Variants in PCDHGB4 observed in about 807,000 individuals in gnomAD.
PCDHGB4 encodes the protein protocadherin gamma-B4.
A neutral mutation model predicts 60.5 loss-of-function variants in PCDHGB4; 38 were observed. The observed-to-expected ratio is 0.63, with a 90% CI of 0.48 to 0.82. The LOEUF (loss-of-function observed/expected upper bound fraction) is 0.82. Among genes scored for constraint, PCDHGB4 ranks in the 40% least tolerant of loss-of-function variants. The pLI is 0.00. For missense variants in PCDHGB4, 1,109 were observed against 1,209.6 expected, an observed-to-expected ratio of 0.92 and a Z score of 1.23; for synonymous variants, 456 against 509.7, an observed-to-expected ratio of 0.89 and a Z score of 1.42.
At chr5:141,423,750 T>TGGGG (rs144521096) in intron 1 of PCDHGB4, 28 of 288,222 alleles carry the variant, frequency 9.7e-5, no homozygotes, top group Non-Finnish European at 1.2e-4. Flanking sequence ...GAAAACTGTT[T>TGGGG]GGGGGGGGGG....
At chr5:141,507,178 G>A (rs548016031) in intron 3 of PCDHGB4, 4 of 152,350 alleles carry the variant, frequency 2.6e-5, no homozygotes, top group East Asian at 3.9e-4. Flanking sequence ...CCTCTTCCTC[G>A]AGCTCTGCTT....
chr5:141,487,936 G>C lies in PCDHGB4; in HGVS notation c.2398-6871G>C. On this transcript the variant is annotated intron_variant, in intron 1 of 3. Coordinates refer to ENST00000519479, the MANE Select transcript of PCDHGB4 (RefSeq NM_003736.4). This position sits in a 1 kb window ranked among gnomAD's most constrained non-coding sequence, Gnocchi z 5.0. The stretch of plus-strand genomic sequence containing the variant: ...AGGAGGCTACAGTGCACAGGGTACA[G>C]TGCACCAGGCAGTCACTTGGACAAA... 4.9e-6 allele frequency: 3 copies of C among 607,906 alleles called. No homozygotes were observed. The highest frequency in any genetic ancestry group is 3.7e-5 in the African/African-American group (2 of 54,158). 37.7% of individuals were successfully genotyped at this position (607,906 alleles called of 1,614,324 possible). A position where few individuals can be genotyped will look rare whatever the true frequency, so the allele number is the denominator to read the frequency against.
intron 1 of PCDHGB4, among the ~76,000 whole-genome samples, chr5:141,453,216 C>T (rs565229516): frequency 8.5e-5 from 13 of 152,080 alleles, no homozygotes; most frequent in Non-Finnish European, 1.0e-4. Context: ...TGCACTTAAG[C>T]GATCCTCCCA....
At chr5:141,419,465 G>C (rs568864628) in intron 1 of PCDHGB4, 77 of 1,612,426 alleles carry the variant, frequency 4.8e-5, no homozygotes, top group Non-Finnish European at 6.4e-5. Context: ...GCAGGCCCGC[G>C]ACCAGGGCTC....
intron 1 of PCDHGB4, among the ~76,000 whole-genome samples, chr5:141,457,931 T>G (rs1335457669): frequency 6.6e-6 from 1 of 152,184 alleles, no homozygotes; most frequent in Non-Finnish European, 1.5e-5. Context: ...CCAAGGGGCT[T>G]TTATTGGCTC....
intron 1 of PCDHGB4, among the ~76,000 whole-genome samples, chr5:141,454,907 A>T (rs1304287479): frequency 1.4e-5 from 2 of 139,080 alleles, no homozygotes; most frequent in East Asian, 4.3e-4. Context: ...TCCCGGGTTC[A>T]CGCCATTCTC....
At chr5:141,459,215 G>C (rs2098963353) in intron 1 of PCDHGB4, among the ~76,000 whole-genome samples, 1 of 152,112 alleles carries the variant, frequency 6.6e-6, no homozygotes, top group South Asian at 2.1e-4. Flanking sequence ...TACTTCTCCA[G>C]CTCCAGGCAA....
At position 141,389,844 on chromosome 5, in the gene PCDHGB4, G is replaced by A. The variant is rs558691778; in HGVS notation, c.1960G>A (p.Ala654Thr). 80 of 1,614,014 alleles carry A rather than the reference G, an allele frequency of 5.0e-5. No homozygotes were observed. The Admixed American group carries it at 1.3e-3, about 27-fold the overall frequency. The change falls in exon 1 of 4, where the codon GCC (alanine) becomes ACC (threonine). Residue 654 changes from alanine to threonine, a missense_variant. Around this residue, in one of 2 missense-constraint regions of PCDHGB4, gnomAD observed 1,068 missense variants for 1,089.9 expected, o/e 0.98. Coordinates refer to ENST00000519479, the MANE Select transcript of PCDHGB4 (RefSeq NM_003736.4). ...TGACGGTGGACAGCCACCACTCTCGGCCACTGCCACGTTGCACCTGGTCTT... is the reference window on the plus strand; with the variant it reads ...TGACGGTGGACAGCCACCACTCTCGACCACTGCCACGTTGCACCTGGTCTT... ...VRDGGQPPLS[A>T]TATLHLVFAD...
At chr5:141,501,837 G>C (rs2099811299) in intron 2 of PCDHGB4, among the ~76,000 whole-genome samples, 1 of 152,018 alleles carries the variant, frequency 6.6e-6, no homozygotes, top group Admixed American at 6.5e-5. Flanking sequence ...CCACCTGTTT[G>C]GCCCTCAACC....
chr5:141,422,074 C>T (rs886758924), intron 1 of PCDHGB4: 8 of 1,612,146 alleles, frequency 5.0e-6, no homozygotes, highest in African/African-American at 4.0e-5. Context: ...GTATTCATTT[C>T]GGAACATGGA....
chr5:141,415,766 TTTTTTTACTTTC>T, intron 1 of PCDHGB4: 1 of 1,295,032 alleles, frequency 7.7e-7, no homozygotes, highest in Admixed American at 3.5e-5. Flanking sequence ...TTTTTTTTTT[TTTTTTTACTTTC>T]TGGTAAAATT....
rs2099605934 is a variant in PCDHGB4, at chr5:141,485,057, C to G, written c.2398-9750C>G. On this transcript the variant is annotated intron_variant, in intron 1 of 3. Transcript: ENST00000519479. The surrounding 1 kb of genome is among the most constrained non-coding windows in gnomAD (Gnocchi z 5.7). ...GTAACCCTTGCGGCGCCGGCCGAAC[C>G]GCGCCAGAGCTGGCGCGGGGAAAGG... The G allele has an allele frequency of 1.2e-6, 1 of 843,720 alleles. No homozygotes were observed. Among genetic ancestry groups the G allele is most frequent in the Non-Finnish European group, 1.9e-6 (1 of 524,586 alleles). 52.3% of individuals were successfully genotyped at this position (843,720 alleles called of 1,614,324 possible).
intron 1 of PCDHGB4, chr5:141,427,507 T>A: frequency 1.7e-6 from 1 of 584,928 alleles, no homozygotes; most frequent in Non-Finnish European, 3.2e-6. Context: ...GATGGGACCC[T>A]GGATTGGGAG....
At chr5:141,396,974 T>C (rs947865597) in intron 1 of PCDHGB4, among the ~76,000 whole-genome samples, 3 of 152,218 alleles carry the variant, frequency 2.0e-5, no homozygotes, top group Admixed American at 6.5e-5. Flanking sequence ...CCTAAAAATG[T>C]TGGCTAGTTG....
intron 1 of PCDHGB4, among the ~76,000 whole-genome samples, chr5:141,483,767 T>C (rs2099586826): frequency 6.6e-6 from 1 of 151,840 alleles, no homozygotes; most frequent in Non-Finnish European, 1.5e-5. Flanking sequence ...CTTGGAAAAA[T>C]ATTGGGGAAG....
At chr5:141,449,202 C>T (rs77980623) in intron 1 of PCDHGB4, among the ~76,000 whole-genome samples, 7,411 of 152,148 alleles carry the variant, frequency 0.049, 284 homozygotes, top group African/African-American at 0.1. Context: ...AGTGTTAATT[C>T]TAACTTTCTG....
Position 141,485,609 on chromosome 5 carries a change from G to C in PCDHGB4, c.2398-9198G>C, listed in dbSNP as rs1432367043. On this transcript the variant is annotated intron_variant, in intron 1 of 3. Coordinates refer to ENST00000519479, the MANE Select transcript of PCDHGB4 (RefSeq NM_003736.4). The surrounding 1 kb of genome is among the most constrained non-coding windows in gnomAD (Gnocchi z 5.7). ...GCTGGACTTGGAAATTGGGGAGGCA[G>C]CTCCTCCAGGACAGCGTTTCCCGTT... The C allele has an allele frequency of 1.2e-6, 2 of 1,612,138 alleles. No homozygotes were observed. Among genetic ancestry groups the C allele is most frequent in the Non-Finnish European group, 1.7e-6 (2 of 1,178,664 alleles).
At chr5:141,438,633 TATACACACAC>T (rs1369232099) in intron 1 of PCDHGB4, among the ~76,000 whole-genome samples, 454 of 33,892 alleles carry the variant, frequency 0.013, 1 homozygote, top group Non-Finnish European at 0.019. Flanking sequence ...TATATATATA[TATACACACAC>T]ACACACACAT....
intron 1 of PCDHGB4, chr5:141,419,684 G>A (rs1286646418): frequency 5.4e-5 from 87 of 1,612,770 alleles, no homozygotes; most frequent in Non-Finnish European, 7.3e-5. Flanking sequence ...CTACCACGTG[G>A]TGCAGGCCAG....
Sources: allele counts gnomAD v4.1 joint callset (sites outside exome capture counted in the v4.1 genomes callset), GRCh38; gene constraint gnomAD v4.1.1; regional missense constraint gnomAD v4.1.1; non-coding constraint Gnocchi (gnomAD v3.1); transcripts MANE v1.5; gene names NCBI Gene and HGNC (gene_info 2026-07-23, HGNC 2026-07-21).